Variants in MRTFA observed in about 807,000 individuals in gnomAD.
The protein encoded by MRTFA is myocardin-related transcription factor A.
MRTFA carries 20 observed loss-of-function variants against 83.5 expected under a neutral mutation model. The observed-to-expected ratio is 0.24, with a 90% CI of 0.17 to 0.35. MRTFA has a LOEUF of 0.35. Ranked by LOEUF, MRTFA falls within the 10% of genes least tolerant of loss-of-function variation. MRTFA has a pLI of 1.00. For missense variants in MRTFA, 1,200 were observed against 1,224.7 expected (o/e 0.98, Z 0.30); for synonymous variants, 659 against 541.2 (o/e 1.22, Z -3.02).
chr22:40,598,997 T>TAA (rs577125107), intron 1 of MRTFA, among the ~76,000 whole-genome samples: 63 of 84,516 alleles, frequency 7.5e-4, no homozygotes, highest in Middle Eastern at 6.9e-3. Context: ...AAACTCCATC[T>TAA]AAAAAAAAAA....
intron 6 of MRTFA, among the ~76,000 whole-genome samples, chr22:40,431,166 T>C (rs1174699813): frequency 6.6e-6 from 1 of 152,192 alleles, no homozygotes; most frequent in Non-Finnish European, 1.5e-5. Flanking sequence ...CACCAAGGGA[T>C]GGTGAGACCC....
intron 3 of MRTFA, among the ~76,000 whole-genome samples, chr22:40,482,803 G>C (rs1359960192): frequency 6.6e-6 from 1 of 152,136 alleles, no homozygotes; most frequent in Non-Finnish European, 1.5e-5. Context: ...TCATTCTAGA[G>C]CAAACCAAAA....
At chr22:40,489,163 G>C (rs1365230348) in intron 3 of MRTFA, among the ~76,000 whole-genome samples, 1 of 151,984 alleles carries the variant, frequency 6.6e-6, no homozygotes, top group African/African-American at 2.4e-5. Context: ...TTTTCACTGG[G>C]TATCTTTGAG....
rs1016144832 is a variant in MRTFA at position 40,573,553 on chromosome 22, C to T, written c.-22+21121G>A. On this transcript the variant is annotated intron_variant, in intron 2 of 14. Transcript: ENST00000355630. The stretch of plus-strand genomic sequence containing the variant: ...TACAGGCATGAACCACCGTGCCTGG[C>T]TGAATTATGTACTTCTGAAAGGTGA... Among the ~76,000 whole-genome samples, 19 of 152,216 alleles carry T rather than the reference C, an allele frequency of 1.2e-4. No homozygotes were observed. In the South Asian group the frequency reaches 3.3e-3, roughly 27 times the overall value.
At position 40,535,827 on chromosome 22, in the gene MRTFA, G is replaced by C. The variant is rs148985867; in HGVS notation, c.241+16279C>G. On this transcript the variant is annotated intron_variant, in intron 3 of 14. Coordinates refer to ENST00000355630, the MANE Select transcript of MRTFA (RefSeq NM_020831.6). ...TGCCAAAACTGTTCGCCATAGAAGA[G>C]AGCATGTAATGCCACAGTGTCAATA... Among the ~76,000 whole-genome samples the C allele has an allele frequency of 2.6e-5, 4 of 152,126 alleles. No homozygotes were observed. The South Asian group carries it at 8.3e-4, about 31-fold the overall frequency.
chr22:40,480,910 G>A (rs1260490646), intron 3 of MRTFA, among the ~76,000 whole-genome samples: 1 of 151,764 alleles, frequency 6.6e-6, no homozygotes, highest in African/African-American at 2.4e-5. Context: ...CAACATGCCC[G>A]GCCAGAGTTC....
chr22:40,451,426 G>T (rs2053484449), intron 4 of MRTFA, among the ~76,000 whole-genome samples: 1 of 152,084 alleles, frequency 6.6e-6, no homozygotes. Context: ...ATCCTGTTTT[G>T]GTATGCACGC....
At position 40,508,373 on chromosome 22, in the gene MRTFA, G is replaced by A. The variant is rs944184055; in HGVS notation, c.241+43733C>T. Reference sequence around the variant, plus strand: ...AAAAGTACAAAAAAACTAGCTGGGCGTGGTGGTGCATGCCTGTAATTTCAG... The same window carrying A: ...AAAAGTACAAAAAAACTAGCTGGGCATGGTGGTGCATGCCTGTAATTTCAG... On this transcript the variant is annotated intron_variant, in intron 3 of 14. Coordinates refer to ENST00000355630, the MANE Select transcript of MRTFA (RefSeq NM_020831.6). Among the ~76,000 whole-genome samples the A allele has an allele frequency of 4.0e-5, 6 of 151,878 alleles. No homozygotes were observed. The East Asian group carries it at 7.8e-4, about 20-fold the overall frequency.
chr22:40,429,294 T>G (rs1054176051), intron 7 of MRTFA: 1 of 604,962 alleles, frequency 1.7e-6, no homozygotes, highest in African/African-American at 1.9e-5. Flanking sequence ...TCACACACAC[T>G]GATCCTGACA....
At chr22:40,475,592 G>C (rs569041325) in intron 3 of MRTFA, among the ~76,000 whole-genome samples, 1 of 152,180 alleles carries the variant, frequency 6.6e-6, no homozygotes, top group Non-Finnish European at 1.5e-5. Context: ...ATCTAGACAA[G>C]TGTAACATTA....
rs367756208 is a variant in MRTFA, at chr22:40,411,474, G to C, written c.3012C>G (p.Pro1004=). 21 of 1,605,782 alleles carry C rather than the reference G, an allele frequency of 1.3e-5. No homozygotes were observed. Among genetic ancestry groups the C allele is most frequent in the East Asian group, 2.2e-5 (1 of 44,620 alleles). ...AGAGGCTGGGGGCTGTGGTGCTGAG[G>C]GGGGCTAGGCTCAGCACGGGACCAC... The change falls in exon 15 of 15, where the codon CCC becomes CCG. Residue 1004 remains proline (P), a synonymous_variant. Transcript: ENST00000355630.
chr22:40,440,119 T>A (rs1013724814), intron 4 of MRTFA, among the ~76,000 whole-genome samples: 2 of 135,452 alleles, frequency 1.5e-5, no homozygotes, highest in Admixed American at 8.3e-5. Context: ...ACCACTGCAC[T>A]CCAGCCTGGG....
At chr22:40,622,122 C>T (rs1036079538) in intron 1 of MRTFA, among the ~76,000 whole-genome samples, 2 of 152,062 alleles carry the variant, frequency 1.3e-5, no homozygotes, top group Admixed American at 6.6e-5. Context: ...AGCCTAATAC[C>T]GGGAATCTGT....
At chr22:40,442,194 T>C (rs776247331) in intron 4 of MRTFA, among the ~76,000 whole-genome samples, 2 of 152,218 alleles carry the variant, frequency 1.3e-5, no homozygotes, top group Non-Finnish European at 2.9e-5. Flanking sequence ...TGAAGGAATA[T>C]GTATTAAGTG....
intron 4 of MRTFA, among the ~76,000 whole-genome samples, chr22:40,459,822 C>CATATATAAATAT (rs1284924516): frequency 2.9e-5 from 2 of 68,266 alleles, no homozygotes; most frequent in Non-Finnish European, 5.6e-5. Context: ...CACACACACA[C>CATATATAAATAT]ATATATACAT....
chr22:40,555,965 C>A (rs2055517395), intron 2 of MRTFA, among the ~76,000 whole-genome samples: 2 of 151,932 alleles, frequency 1.3e-5, no homozygotes, highest in African/African-American at 4.8e-5. Flanking sequence ...TAAAGCATTT[C>A]TAATGTGGGA....
chr22:40,535,348 C>CTTTTCTT (rs2055150251), intron 3 of MRTFA, among the ~76,000 whole-genome samples: 55 of 107,132 alleles, frequency 5.1e-4, no homozygotes, highest in African/African-American at 2.0e-3. Flanking sequence ...GAGGTTTTTT[C>CTTTTCTT]TTTTTTTTTT....
At chr22:40,608,829 C>T (rs1043465777) in intron 1 of MRTFA, among the ~76,000 whole-genome samples, 6 of 152,120 alleles carry the variant, frequency 3.9e-5, no homozygotes, top group African/African-American at 1.4e-4. Context: ...AGGGGGAACA[C>T]AGTAATGTGA....
rs1410473724 is a variant in MRTFA at position 40,537,093 on chromosome 22, T to A, written c.241+15013A>T. ...GGTCAGTCCCCCGCCTGGCCAGCCG[T>A]GCCGTCCGGGAGGGAGGTGGGGGGG... On this transcript the variant is annotated intron_variant, in intron 3 of 14. Transcript: ENST00000355630. 1.3e-3 allele frequency among the ~76,000 whole-genome samples: 58 copies of A among 46,228 alleles called. 2 individuals are homozygous for A. Among genetic ancestry groups the A allele is most frequent in the Middle Eastern group, 0.024 (1 of 42 alleles). The allele number at this position is 46,228 out of a possible 152,430, so 30.3% of individuals were successfully genotyped here.
Sources: allele counts gnomAD v4.1 joint callset (sites outside exome capture counted in the v4.1 genomes callset), GRCh38; gene constraint gnomAD v4.1.1; transcripts MANE v1.5; gene names NCBI Gene and HGNC (gene_info 2026-07-23, HGNC 2026-07-21).